Variants in RFX1 observed in about 807,000 individuals in gnomAD.
The protein encoded by RFX1 is MHC class II regulatory factor RFX1.
A neutral mutation model predicts 119.6 loss-of-function variants in RFX1; 42 were observed. That is an observed-to-expected ratio of 0.35 (90% confidence interval 0.27 to 0.45). The LOEUF (loss-of-function observed/expected upper bound fraction) is 0.45, where lower values mean the gene tolerates loss of function less well. Ranked by LOEUF, RFX1 falls within the 20% of genes least tolerant of loss-of-function variation. The pLI is 1.00. For missense variants in RFX1, 1,118 were observed against 1,368.1 expected (o/e 0.82, Z 2.88); for synonymous variants, 628 against 618.5 (o/e 1.02, Z -0.23).
chr19:13,977,887 C>A (rs1974297511), intron 8 of RFX1, 105 bp downstream of exon 8: 1 of 869,196 alleles, frequency 1.2e-6, no homozygotes, highest in African/African-American at 1.7e-5. Context: ...GCCTTGAAGG[C>A]CGGATGGCCT....
intron 1 of RFX1, among the ~76,000 whole-genome samples, chr19:14,004,526 G>A (rs1329878818): frequency 6.6e-6 from 1 of 151,962 alleles, no homozygotes; most frequent in Non-Finnish European, 1.5e-5. Flanking sequence ...AAGTGCTGAT[G>A]ATCCGTCTAG....
Position 13,963,808 on chromosome 19 carries a change from C to CCCCGT in RFX1, c.2361+45_2361+49dup, listed in dbSNP as rs1370206448. 5.4e-6 allele frequency: 8 copies of CCCCGT among 1,494,216 alleles called. No homozygotes were observed. In the African/African-American group the frequency reaches 1.1e-4, roughly 21 times the overall value. The allele number at this position is 1,494,216 out of a possible 1,614,324, so 92.6% of individuals were successfully genotyped here. ...GCCGCCGTCACCCCCGCCTGGCCCGCCCCGTTAGGCTGCCCCTCATTCGCC... is the reference window on the plus strand; with the variant it reads ...GCCGCCGTCACCCCCGCCTGGCCCGCCCCGTCCCGTTAGGCTGCCCCTCATTCGCC... On this transcript the variant is annotated intron_variant, in intron 17 of 20. Coordinates refer to ENST00000254325, the MANE Select transcript of RFX1 (RefSeq NM_002918.5).
At chr19:13,978,143 C>G in intron 7 of RFX1, 57 bp from the exon 8 acceptor site, 1 of 1,336,518 alleles carries the variant, frequency 7.5e-7, no homozygotes, top group Non-Finnish European at 1.1e-6. Context: ...CTACGGTTCT[C>G]CCTCTAAAGG....
chr19:13,995,246 C>T (rs1398529731), intron 1 of RFX1, among the ~76,000 whole-genome samples: 1 of 151,854 alleles, frequency 6.6e-6, no homozygotes, highest in Non-Finnish European at 1.5e-5. Context: ...AGTTTATTGC[C>T]GGAAAGCAGA....
chr19:13,973,097 C>A lies in RFX1; in HGVS notation c.960G>T (p.Thr320=), dbSNP rs756247506. 7 of 1,599,460 alleles carry A rather than the reference C, an allele frequency of 4.4e-6. No individual in the cohort carries two copies. The highest frequency in any genetic ancestry group is 5.9e-6 in the Non-Finnish European group (7 of 1,179,788). ...TGCTTGCCGTCTGCGTGTACAGCGGCGTCTCGGGATAGGAGTAGGTGCTGG... is the reference window on the plus strand; with the variant it reads ...TGCTTGCCGTCTGCGTGTACAGCGGAGTCTCGGGATAGGAGTAGGTGCTGG... ...IRSSTYSYPE[T]PLYTQTASTS... The change falls in exon 9 of 21, where the codon ACG becomes ACT. Residue 320 remains threonine, a synonymous_variant. Coordinates refer to ENST00000254325, the MANE Select transcript of RFX1 (RefSeq NM_002918.5).
intron 1 of RFX1, among the ~76,000 whole-genome samples, chr19:14,002,882 C>T (rs900323697): frequency 2.6e-5 from 4 of 152,220 alleles, no homozygotes; most frequent in Admixed American, 6.5e-5. Flanking sequence ...GCTCCAGAGA[C>T]GCCATTCCAA....
Position 13,990,630 on chromosome 19 carries a change from A to G in RFX1, c.319+2895T>C, listed in dbSNP as rs1974770086. ...CAGGAGATCAAGACCATCCTGGCTA[A>G]CACAGTGAAACCCCGTCTCTACTAA... is the stretch of plus-strand genomic sequence containing the variant. On this transcript the variant is annotated intron_variant, in intron 2 of 20. Transcript: ENST00000254325. The surrounding 1 kb of genome is among the most constrained non-coding windows in gnomAD (Gnocchi z 4.1). Among the ~76,000 whole-genome samples, 1 of 152,144 alleles carries G rather than the reference A, an allele frequency of 6.6e-6. No homozygotes were observed.
intron 2 of RFX1, among the ~76,000 whole-genome samples, chr19:13,988,891 G>A (rs1974704485): frequency 1.3e-5 from 2 of 152,044 alleles, no homozygotes; most frequent in Admixed American, 1.3e-4. Flanking sequence ...GTGTGGTGGT[G>A]CGCCCCTGTA....
At chr19:13,964,360 G>C (rs1973823537) in intron 16 of RFX1, among the ~76,000 whole-genome samples, 2 of 151,214 alleles carry the variant, frequency 1.3e-5, no homozygotes, top group Non-Finnish European at 2.9e-5. Context: ...CAAAATGTTG[G>C]GAGTGAGCCA....
rs369414209 is a variant in RFX1, at chr19:13,973,457, T to G, written c.930-330A>C. 1.1e-4 allele frequency among the ~76,000 whole-genome samples: 16 copies of G among 152,040 alleles called. No homozygotes were observed. The East Asian group carries it at 1.9e-3, about 18-fold the overall frequency. On this transcript the variant is annotated intron_variant, in intron 8 of 20. Coordinates refer to ENST00000254325, the MANE Select transcript of RFX1 (RefSeq NM_002918.5). ...TGAAAACCCATCTCTACAAAAAATA[T>G]GAAGATTAGCCAGGCATGCTGGTGC... is the stretch of plus-strand genomic sequence containing the variant.
At position 13,970,080 on chromosome 19, in the gene RFX1, C is replaced by G. The variant is rs1446665042; in HGVS notation, c.1410G>C (p.Gln470His). Residue 470 changes from glutamine (Q) to histidine (H), a missense_variant, in exon 10 of 21, where the codon CAG becomes CAC. Gln to His is a conservative substitution (Grantham distance 24, BLOSUM62 0). Coordinates refer to ENST00000254325, the MANE Select transcript of RFX1 (RefSeq NM_002918.5). ...YCHYLLHCQE[Q>H]KLEPVNAASF... ...AGGCGGCGTTGACGGGCTCCAGCTTCTGCTCCTGGCAGTGCAGTAAGTAGT... is the reference window on the plus strand; with the variant it reads ...AGGCGGCGTTGACGGGCTCCAGCTTGTGCTCCTGGCAGTGCAGTAAGTAGT... 3 of 1,614,164 alleles carry G rather than the reference C, an allele frequency of 1.9e-6. No homozygotes were observed. The highest frequency in any genetic ancestry group is 2.5e-6 in the Non-Finnish European group (3 of 1,180,012).
At chr19:13,974,141 G>A (rs1249539082) in intron 8 of RFX1, among the ~76,000 whole-genome samples, 4 of 152,144 alleles carry the variant, frequency 2.6e-5, no homozygotes, top group South Asian at 4.1e-4. Flanking sequence ...CAGGCAAGAA[G>A]CCACGTGCAA....
intron 8 of RFX1, among the ~76,000 whole-genome samples, chr19:13,974,510 T>C (rs918642817): frequency 1.3e-5 from 2 of 152,082 alleles, no homozygotes; most frequent in Non-Finnish European, 2.9e-5. Context: ...GCAAGGCTTG[T>C]CGTCCCCCGA....
rs1974131148 is a variant in RFX1, at chr19:13,972,904, T to G, written c.1153A>C (p.Ser385Arg). The change falls in exon 9 of 21, where the codon AGT becomes CGT. Residue 385 changes from serine to arginine, a missense_variant. This residue lies in a region of RFX1 where 542 missense variants were observed against 602.7 expected (regional missense o/e 0.90). Coordinates refer to ENST00000254325, the MANE Select transcript of RFX1 (RefSeq NM_002918.5). ...CCCCCGCCGCCGCCGCCACCACCACTGCCACCACCTCCGCTGCTGTTGCTG... is the reference window on the plus strand; with the variant it reads ...CCCCCGCCGCCGCCGCCACCACCACGGCCACCACCTCCGCTGCTGTTGCTG... ...GASNSSGGGG[S>R]GGGGGGGGGG... The G allele has an allele frequency of 6.3e-7, 1 of 1,590,756 alleles. No individual in the cohort carries two copies. The highest frequency in any genetic ancestry group is 8.5e-7 in the Non-Finnish European group (1 of 1,175,216).
chr19:13,977,243 C>T (rs1451947705), intron 8 of RFX1, among the ~76,000 whole-genome samples: 5 of 146,984 alleles, frequency 3.4e-5, no homozygotes, highest in Admixed American at 1.4e-4. Flanking sequence ...TGCAGTGAGC[C>T]GAGATCACAC....
rs905090950 is a variant in RFX1, at chr19:13,966,896, G to A, written c.1733-145C>T. On this transcript the variant is annotated intron_variant, in intron 12 of 20. Transcript: ENST00000254325. The surrounding 1 kb of genome is among the most constrained non-coding windows in gnomAD (Gnocchi z 6.3). ...TAGGTGGGGTGAGCGCCTGGCCCGG[G>A]CCCAGGACGGGCCCAGGAGTGAGGG... 5 of 575,168 alleles carry A rather than the reference G, an allele frequency of 8.7e-6. No homozygotes were observed. Among genetic ancestry groups the A allele is most frequent in the Non-Finnish European group, 1.5e-5 (5 of 327,808 alleles). 35.6% of individuals were successfully genotyped at this position (575,168 alleles called of 1,614,324 possible).
At position 13,986,801 on chromosome 19, in the gene RFX1, A is replaced by G. The variant is rs1201692515; in HGVS notation, c.320-3206T>C. ...CCCATCTAGACCTACTCAAACCTTA[A>G]ATGAGCTACTTGGGGGAGCCCAGGG... is the stretch of plus-strand genomic sequence containing the variant. On this transcript the variant is annotated intron_variant, in intron 2 of 20. Transcript: ENST00000254325. This position sits in a 1 kb window ranked among gnomAD's most constrained non-coding sequence, Gnocchi z 4.2. Among the ~76,000 whole-genome samples, 2 of 151,936 alleles carry G rather than the reference A, an allele frequency of 1.3e-5. No individual in the cohort carries two copies. The highest frequency in any genetic ancestry group is 4.8e-5 in the African/African-American group (2 of 41,362).
At chr19:13,994,325 A>G (rs1286267349) in intron 1 of RFX1, among the ~76,000 whole-genome samples, 1 of 151,978 alleles carries the variant, frequency 6.6e-6, no homozygotes, top group Admixed American at 6.6e-5. Flanking sequence ...CCTTGCCTCC[A>G]TCTCCTTAGC....
intron 8 of RFX1, among the ~76,000 whole-genome samples, chr19:13,975,166 G>A (rs537080249): frequency 2.0e-5 from 3 of 152,008 alleles, no homozygotes; most frequent in South Asian, 4.2e-4. Flanking sequence ...GACCAGCCTG[G>A]CCAACATGAT....
Sources: gnomAD v4.1 joint callset for allele counts (sites outside exome capture counted in the v4.1 genomes callset) on GRCh38, gnomAD v4.1.1 for gene constraint, gnomAD v4.1.1 regional missense constraint, Gnocchi (gnomAD v3.1) non-coding constraint, MANE v1.5 for transcripts, NCBI Gene and HGNC (gene_info 2026-07-23, HGNC 2026-07-21) for gene names.